LOC400499: variants seen among roughly 807,000 people sequenced by gnomAD.
At chr16:11,462,336 G>C in the LOC400499 span, 7 of 1,439,262 alleles carry the variant, frequency 4.9e-6, no homozygotes, top group Admixed American at 2.7e-5. Flanking sequence ...TGGGAGGACA[G>C]GCTTGGCCAG....
At chr16:11,486,514 T>C in the LOC400499 span, among the ~76,000 whole-genome samples, 1 of 126,704 alleles carries the variant, frequency 7.9e-6, no homozygotes, top group African/African-American at 3.2e-5. Flanking sequence ...GATGAATGAA[T>C]GATGGCTGGA....
chr16:11,455,322 A>G, the LOC400499 span, among the ~76,000 whole-genome samples: 1 of 152,228 alleles, frequency 6.6e-6, no homozygotes, highest in South Asian at 2.1e-4. Flanking sequence ...AAACCTATGG[A>G]GAAGGCCTAA....
chr16:11,374,261 A>T, the LOC400499 span, among the ~76,000 whole-genome samples: 1 of 152,156 alleles, frequency 6.6e-6, no homozygotes, highest in Admixed American at 6.6e-5. Flanking sequence ...TATGGTGTTC[A>T]TAGGTAAAAT....
At chr16:11,449,901 C>T in the LOC400499 span, among the ~76,000 whole-genome samples, 1 of 152,250 alleles carries the variant, frequency 6.6e-6, no homozygotes, top group Admixed American at 6.5e-5. Context: ...CTGCCACCAC[C>T]CCGGGCCAGG....
the LOC400499 span, among the ~76,000 whole-genome samples, chr16:11,380,544 A>C: frequency 6.6e-6 from 1 of 152,198 alleles, no homozygotes; most frequent in Non-Finnish European, 1.5e-5. Flanking sequence ...AATAAGAATA[A>C]TAAGTGTCTT....
the LOC400499 span, chr16:11,384,217 TGCCAGGCCAGGCTGAGCTCCTCC>T: frequency 8.1e-7 from 1 of 1,231,646 alleles, no homozygotes. Context: ...CCCGCTCACC[TGCCAGGCCAGGCTGAGCTCCTCC>T]AGGCTGCGGG....
At chr16:11,487,277 G>A in the LOC400499 span, 1 of 398,830 alleles carries the variant, frequency 2.5e-6, no homozygotes. Context: ...GAAGGTTGAA[G>A]GCACGGCCCA....
the LOC400499 span, among the ~76,000 whole-genome samples, chr16:11,427,198 C>G: frequency 2.0e-5 from 3 of 150,100 alleles, no homozygotes; most frequent in African/African-American, 7.3e-5. Flanking sequence ...TCTCTACTAA[C>G]AATACAAAAA....
chr16:11,390,027 G>A, the LOC400499 span: 4 of 940,838 alleles, frequency 4.3e-6, no homozygotes, highest in Non-Finnish European at 5.5e-6. Context: ...CAGTGTGTCG[G>A]AAGGTGTCAA....
At chr16:11,404,582 A>G in the LOC400499 span, 10 of 394,898 alleles carry the variant, frequency 2.5e-5, no homozygotes, top group Admixed American at 2.7e-4. Context: ...CCTGACCTCG[A>G]GTGATCTACC....
chr16:11,476,890 C>T, the LOC400499 span: 3 of 399,408 alleles, frequency 7.5e-6, no homozygotes, highest in Non-Finnish European at 1.3e-5. Context: ...CCACCTCAGC[C>T]CGGCCTGCCC....
chr16:11,474,299 T>C, the LOC400499 span, among the ~76,000 whole-genome samples: 24 of 152,374 alleles, frequency 1.6e-4, no homozygotes, highest in Admixed American at 1.3e-3. Context: ...TTCTGGACAC[T>C]GAAATTTCAA....
At chr16:11,387,615 A>T in the LOC400499 span, among the ~76,000 whole-genome samples, 782 of 147,892 alleles carry the variant, frequency 5.3e-3, 5 homozygotes, top group Non-Finnish European at 9.2e-3. Flanking sequence ...GATGCCGAGG[A>T]CAGGAGCTGG....
the LOC400499 span, chr16:11,430,993 A>G: frequency 2.5e-6 from 1 of 399,034 alleles, no homozygotes; most frequent in Non-Finnish European, 4.4e-6. Flanking sequence ...AGTTCCAAAG[A>G]AAGTGCTTGC....
the LOC400499 span, chr16:11,412,691 G>A: frequency 2.5e-6 from 1 of 395,136 alleles, no homozygotes; most frequent in African/African-American, 2.1e-5. Context: ...CCTTGGAAAA[G>A]TTACTTGGCC....
At chr16:11,449,730 C>T in the LOC400499 span, among the ~76,000 whole-genome samples, 1 of 152,236 alleles carries the variant, frequency 6.6e-6, no homozygotes, top group Admixed American at 6.5e-5. Flanking sequence ...CTTGGTTCCC[C>T]ACCATCAACT....
chr16:11,476,438 A>C, the LOC400499 span, among the ~76,000 whole-genome samples: 8 of 151,956 alleles, frequency 5.3e-5, no homozygotes, highest in Admixed American at 6.6e-5. Context: ...CACCCTTCAC[A>C]GTCAACAGAC....
the LOC400499 span, among the ~76,000 whole-genome samples, chr16:11,445,293 C>T: frequency 2.6e-5 from 4 of 151,898 alleles, no homozygotes; most frequent in Non-Finnish European, 5.9e-5. Flanking sequence ...TGGGAATGCA[C>T]GTCTGTTATC....
the LOC400499 span, among the ~76,000 whole-genome samples, chr16:11,398,816 C>T: frequency 1.1e-4 from 17 of 152,196 alleles, no homozygotes; most frequent in East Asian, 2.3e-3. Context: ...CATGCCACCA[C>T]GCCCAGTTTT....
Sources: allele counts gnomAD v4.1 joint callset (sites outside exome capture counted in the v4.1 genomes callset), GRCh38; gene constraint gnomAD v4.1.1; transcripts MANE v1.5.